SEPTIN7: variants seen among roughly 807,000 people sequenced by gnomAD.
The protein encoded by SEPTIN7 is septin 7.
In SEPTIN7, 10 loss-of-function variants were observed where a neutral mutation model predicts 63.3. That is an observed-to-expected ratio of 0.16 (90% CI 0.10 to 0.27). The LOEUF is 0.27. Among genes scored for constraint, SEPTIN7 ranks in the 10% least tolerant of loss-of-function variants. SEPTIN7 has a pLI of 1.00. For synonymous variants in SEPTIN7, 131 were observed against 165.3 expected (o/e 0.79, Z 1.59); for missense variants, 310 against 521.0 (o/e 0.59, Z 3.94).
At chr7:35,873,932 A>G (rs1348469243) in intron 6 of SEPTIN7, 157 bp downstream of exon 6, 13 of 639,988 alleles carry the variant, frequency 2.0e-5, no homozygotes, top group East Asian at 8.9e-5. Flanking sequence ...TTGAAAAGCC[A>G]TTTTAAGTCC....
intron 5 of SEPTIN7, among the ~76,000 whole-genome samples, chr7:35,873,089 G>T (rs1269214803): frequency 1.3e-5 from 2 of 152,006 alleles, no homozygotes; most frequent in African/African-American, 4.8e-5. Flanking sequence ...TTATTCATTT[G>T]TATAAATTCT....
intron 4 of SEPTIN7, among the ~76,000 whole-genome samples, chr7:35,869,814 A>G (rs954769316): frequency 2.0e-5 from 3 of 152,146 alleles, no homozygotes; most frequent in African/African-American, 7.2e-5. Context: ...TACATGGACG[A>G]TAGCTTTAGT....
Position 35,879,915 on chromosome 7 carries a change from A to G in SEPTIN7, c.605A>G (p.Glu202Gly). The change falls in exon 7 of 14, where the codon GAG (glutamate) becomes GGG (glycine). Residue 202 changes from glutamate (E) to glycine (G), a missense_variant. Glu to Gly is a moderately conservative substitution (Grantham distance 98). This residue lies in a region of SEPTIN7 where 255 missense variants were observed against 490.5 expected (regional missense o/e 0.52). Transcript: ENST00000350320. The part of the protein sequence containing the change: ...LIAKADTLTP[E>G]ECQQFKKQIM... ...GCCAAAGCAGACACACTCACACCAGAGGAATGCCAACAGTTTAAAAAACAG... is the reference window on the plus strand; with the variant it reads ...GCCAAAGCAGACACACTCACACCAGGGGAATGCCAACAGTTTAAAAAACAG... The G allele has an allele frequency of 6.3e-7, 1 of 1,593,360 alleles. No homozygotes were observed. The highest frequency in any genetic ancestry group is 8.6e-7 in the Non-Finnish European group (1 of 1,168,002).
the SEPTIN7 span, among the ~76,000 whole-genome samples, chr7:35,913,211 G>A: frequency 2.6e-5 from 4 of 152,088 alleles, no homozygotes; most frequent in South Asian, 2.1e-4. Flanking sequence ...TTTGCTCCTC[G>A]TATGCTGGGA....
At chr7:35,860,114 CT>C (rs561134727) in intron 3 of SEPTIN7, among the ~76,000 whole-genome samples, 130 of 140,850 alleles carry the variant, frequency 9.2e-4, no homozygotes, top group Middle Eastern at 7.1e-3. Flanking sequence ...ATTCCCTTCT[CT>C]TTTTTTTTTT....
intron 6 of SEPTIN7, among the ~76,000 whole-genome samples, chr7:35,874,273 G>A (rs1786335580): frequency 6.6e-6 from 1 of 152,066 alleles, no homozygotes; most frequent in South Asian, 2.1e-4. Context: ...TCATAGACGT[G>A]TTGTTCAGGT....
chr7:35,871,678 A>G (rs948613331), intron 4 of SEPTIN7, among the ~76,000 whole-genome samples: 8 of 152,222 alleles, frequency 5.3e-5, no homozygotes, highest in African/African-American at 1.7e-4. Context: ...GAAGTAGGCT[A>G]TCTCTAAAAG....
At chr7:35,861,966 T>C (rs1190559042) in intron 3 of SEPTIN7, among the ~76,000 whole-genome samples, 1 of 152,230 alleles carries the variant, frequency 6.6e-6, no homozygotes, top group African/African-American at 2.4e-5. Context: ...CCTTTGTTTT[T>C]CACAGGTCCT....
chr7:35,914,667 A>G, the SEPTIN7 span, among the ~76,000 whole-genome samples: 1 of 150,956 alleles, frequency 6.6e-6, no homozygotes, highest in Non-Finnish European at 1.5e-5. Context: ...CTCTATATAT[A>G]TATATACACA....
chr7:35,874,432 T>C (rs1368838891), intron 6 of SEPTIN7, among the ~76,000 whole-genome samples: 6 of 152,108 alleles, frequency 3.9e-5, no homozygotes, highest in Non-Finnish European at 4.4e-5. Context: ...TGAGTACATA[T>C]ATGTGTTATT....
At chr7:35,846,109 T>A (rs1158486663) in intron 3 of SEPTIN7, among the ~76,000 whole-genome samples, 1 of 152,178 alleles carries the variant, frequency 6.6e-6, no homozygotes, top group East Asian at 1.9e-4. Context: ...ATCACCATTG[T>A]TAAATTTTGT....
chr7:35,874,794 T>C (rs1020397494), intron 6 of SEPTIN7, among the ~76,000 whole-genome samples: 1 of 152,156 alleles, frequency 6.6e-6, no homozygotes, highest in African/African-American at 2.4e-5. Flanking sequence ...TCTTCTTTTA[T>C]GTCTAATATT....
At chr7:35,892,580 T>C (rs1216638163) in intron 11 of SEPTIN7, among the ~76,000 whole-genome samples, 1 of 152,150 alleles carries the variant, frequency 6.6e-6, no homozygotes, top group East Asian at 1.9e-4. Context: ...TTTGTTAAGT[T>C]GTAGATAAAA....
intron 3 of SEPTIN7, among the ~76,000 whole-genome samples, chr7:35,852,170 A>C (rs962941127): frequency 6.6e-6 from 1 of 152,174 alleles, no homozygotes; most frequent in African/African-American, 2.4e-5. Context: ...TTCTAATGAG[A>C]TCACTTATTC....
chr7:35,834,995 T>G (rs1385312441), intron 3 of SEPTIN7, among the ~76,000 whole-genome samples: 1 of 152,200 alleles, frequency 6.6e-6, no homozygotes, highest in Non-Finnish European at 1.5e-5. Context: ...TCTTTGTACT[T>G]TGTTGGAAAA....
intron 1 of SEPTIN7, among the ~76,000 whole-genome samples, chr7:35,803,889 A>G (rs1047052716): frequency 1.3e-5 from 2 of 152,230 alleles, no homozygotes; most frequent in East Asian, 1.9e-4. Context: ...ATTGAACTCT[A>G]CAGCAGTGTT....
At chr7:35,913,112 A>G in the SEPTIN7 span, among the ~76,000 whole-genome samples, 22 of 152,264 alleles carry the variant, frequency 1.4e-4, no homozygotes, top group African/African-American at 4.8e-4. Context: ...TAGGGGTGTT[A>G]AAGATTAAAT....
At chr7:35,836,725 G>C (rs1173733806) in intron 3 of SEPTIN7, among the ~76,000 whole-genome samples, 1 of 152,060 alleles carries the variant, frequency 6.6e-6, no homozygotes, top group African/African-American at 2.4e-5. Flanking sequence ...ACTGCCTGTT[G>C]ATGTTTGAAT....
the SEPTIN7 span, among the ~76,000 whole-genome samples, chr7:35,915,597 A>T: frequency 6.6e-6 from 1 of 152,080 alleles, no homozygotes; most frequent in Non-Finnish European, 1.5e-5. Context: ...GCATGGTTCC[A>T]CTGTCATCTA....
Sources: gnomAD v4.1 joint callset for allele counts (sites outside exome capture counted in the v4.1 genomes callset) on GRCh38, gnomAD v4.1.1 for gene constraint, gnomAD v4.1.1 regional missense constraint, MANE v1.5 for transcripts, NCBI Gene and HGNC (gene_info 2026-07-23, HGNC 2026-07-21) for gene names.